AUTS2: variants seen among roughly 807,000 people sequenced by gnomAD.
AUTS2 encodes activator of transcription and developmental regulator AUTS2.
A neutral mutation model predicts 112.4 loss-of-function variants in AUTS2; 17 were observed. The ratio of observed to expected loss-of-function variants is 0.15; its 90% CI spans 0.10 to 0.23. The LOEUF is 0.23. Ranked by LOEUF, AUTS2 falls within the 10% of genes least tolerant of loss-of-function variation. AUTS2 has a pLI of 1.00. For synonymous variants in AUTS2, 751 were observed against 702.7 expected (o/e 1.07, Z -1.09); for missense variants, 1,510 against 1,701.6 (o/e 0.89, Z 1.98).
intron 1 of AUTS2, among the ~76,000 whole-genome samples, chr7:69,819,199 G>T (rs1249929050): frequency 1.3e-5 from 2 of 152,172 alleles, no homozygotes; most frequent in Admixed American, 1.3e-4. Context: ...AAGCAGTGTC[G>T]ATGGGTTTTC....
intron 5 of AUTS2, among the ~76,000 whole-genome samples, chr7:70,660,480 C>A (rs543019238): frequency 1.4e-4 from 22 of 152,290 alleles, no homozygotes; most frequent in South Asian, 4.1e-4. Flanking sequence ...GTTTCATTTA[C>A]CCAGGTACAA....
intron 4 of AUTS2, among the ~76,000 whole-genome samples, chr7:70,353,296 T>C (rs1218468308): frequency 6.6e-6 from 1 of 152,180 alleles, no homozygotes; most frequent in East Asian, 1.9e-4. Context: ...TTTCACTGAC[T>C]CAAAGCATGA....
chr7:69,664,291 A>C (rs1021132345), intron 1 of AUTS2, among the ~76,000 whole-genome samples: 8 of 152,198 alleles, frequency 5.3e-5, no homozygotes, highest in Non-Finnish European at 1.2e-4. Context: ...TGCAAGAAAA[A>C]CCAGATGGAC....
intron 4 of AUTS2, among the ~76,000 whole-genome samples, chr7:70,311,207 A>G (rs1490756989): frequency 6.6e-6 from 1 of 152,188 alleles, no homozygotes; most frequent in Non-Finnish European, 1.5e-5. Context: ...GGGAATAGCA[A>G]TGGTACATGC....
chr7:70,454,622 C>T (rs767327807), intron 5 of AUTS2, among the ~76,000 whole-genome samples: 10 of 152,146 alleles, frequency 6.6e-5, no homozygotes, highest in African/African-American at 1.7e-4. Context: ...GGGCCGGGCA[C>T]GGTGACTCAC....
At chr7:69,982,588 A>G (rs1041081643) in intron 2 of AUTS2, among the ~76,000 whole-genome samples, 2 of 152,200 alleles carry the variant, frequency 1.3e-5, no homozygotes, top group African/African-American at 2.4e-5. Context: ...GTCATCACCC[A>G]TGGGTGAAAT....
At chr7:69,970,290 C>T (rs1797796128) in intron 2 of AUTS2, among the ~76,000 whole-genome samples, 1 of 152,052 alleles carries the variant, frequency 6.6e-6, no homozygotes, top group South Asian at 2.1e-4. Context: ...TTTCTATGTC[C>T]TATAAGTGAT....
intron 1 of AUTS2, among the ~76,000 whole-genome samples, chr7:69,650,532 G>A (rs1163188238): frequency 1.3e-5 from 2 of 152,124 alleles, no homozygotes; most frequent in African/African-American, 2.4e-5. Flanking sequence ...TTTTAGCCCC[G>A]TGGGTCCCTG....
intron 4 of AUTS2, among the ~76,000 whole-genome samples, chr7:70,304,106 C>T (rs775431943): frequency 1.3e-5 from 2 of 152,194 alleles, no homozygotes; most frequent in Non-Finnish European, 2.9e-5. Flanking sequence ...TGCCACTTTC[C>T]TGCCTAAAGC....
intron 1 of AUTS2, among the ~76,000 whole-genome samples, chr7:69,623,005 C>T (rs753413795): frequency 2.7e-4 from 41 of 152,132 alleles, no homozygotes; most frequent in Non-Finnish European, 5.1e-4. Context: ...GGCTGTGTTA[C>T]ATTTTTTGTC....
chr7:70,081,285 T>G (rs529463597), intron 2 of AUTS2, among the ~76,000 whole-genome samples: 1 of 151,446 alleles, frequency 6.6e-6, no homozygotes, highest in Non-Finnish European at 1.5e-5. Context: ...GACGCGCTGG[T>G]CATGCCTGTA....
At chr7:70,703,664 G>A (rs1809584872) in intron 6 of AUTS2, among the ~76,000 whole-genome samples, 1 of 152,164 alleles carries the variant, frequency 6.6e-6, no homozygotes, top group Non-Finnish European at 1.5e-5. Context: ...CTTGGGTTTA[G>A]TCGCAGGGAG....
chr7:70,339,029 A>AT (rs906851390), intron 4 of AUTS2, among the ~76,000 whole-genome samples: 9 of 150,998 alleles, frequency 6.0e-5, no homozygotes, highest in East Asian at 2.0e-4. Flanking sequence ...CGCCCAGCTA[A>AT]TTTTTTTTGT....
rs915647183 is a variant in AUTS2 at position 70,792,904 on chromosome 7, C to G, written c.*1908C>G. On this transcript the variant is annotated 3_prime_UTR_variant, in exon 19 of 19. Coordinates refer to ENST00000342771, the MANE Select transcript of AUTS2 (RefSeq NM_015570.4). ...CTGCTTGTTTGTGTGAGGTGACCAT[C>G]ATTACCTTAGGGAAGAAGCCATACC... The G allele has an allele frequency of 4.6e-5, 7 of 152,682 alleles. No individual in the cohort carries two copies. In the East Asian group the frequency reaches 1.2e-3, roughly 25 times the overall value. 9.5% of individuals were successfully genotyped at this position (152,682 alleles called of 1,614,324 possible).
Position 69,991,436 on chromosome 7 carries a change from C to T in AUTS2, c.522+91938C>T, listed in dbSNP as rs562527560. Among the ~76,000 whole-genome samples, 3 of 152,266 alleles carry T rather than the reference C, an allele frequency of 2.0e-5. No homozygotes were observed. The South Asian group carries it at 6.2e-4, about 32-fold the overall frequency. ...GGTGTTCTCTCAGAATCAGGAGCAG[C>T]TCACTGTGCGAAAACCCATCTGAGG... On this transcript the variant is annotated intron_variant, in intron 2 of 18. Transcript: ENST00000342771.
intron 2 of AUTS2, among the ~76,000 whole-genome samples, chr7:70,104,465 T>C (rs1303694039): frequency 1.3e-5 from 2 of 152,186 alleles, no homozygotes; most frequent in Non-Finnish European, 2.9e-5. Flanking sequence ...TGGAAAACTT[T>C]CCTTAATGAA....
intron 5 of AUTS2, among the ~76,000 whole-genome samples, chr7:70,695,873 C>T (rs1347961218): frequency 6.6e-6 from 1 of 152,162 alleles, no homozygotes; most frequent in Non-Finnish European, 1.5e-5. Context: ...CCACTTCATG[C>T]CCCTACCCTC....
chr7:69,646,897 T>C (rs949151), intron 1 of AUTS2, among the ~76,000 whole-genome samples: 213 of 152,220 alleles, frequency 1.4e-3, no homozygotes, highest in African/African-American at 5.1e-3. Flanking sequence ...CCATCCTGGC[T>C]AACACGGTGA....
chr7:69,668,581 C>T lies in AUTS2; in HGVS notation c.309+68619C>T, dbSNP rs138783236. Among the ~76,000 whole-genome samples, 575 of 152,282 alleles carry T rather than the reference C, an allele frequency of 3.8e-3. 3 individuals are homozygous for T. Among genetic ancestry groups the T allele is most frequent in the Middle Eastern group, 0.01 (3 of 294 alleles). On this transcript the variant is annotated intron_variant, in intron 1 of 18. Transcript: ENST00000342771. ...AAGAGAGTAAATATCTTTTCTCTTTCCCATGAACCTAGCAACCAATTTGCT... is the reference window on the plus strand; with the variant it reads ...AAGAGAGTAAATATCTTTTCTCTTTTCCATGAACCTAGCAACCAATTTGCT...
Sources: allele counts gnomAD v4.1 joint callset (sites outside exome capture counted in the v4.1 genomes callset), GRCh38; gene constraint gnomAD v4.1.1; transcripts MANE v1.5; gene names NCBI Gene and HGNC (gene_info 2026-07-23, HGNC 2026-07-21).